Variants in RPS12 observed in about 807,000 individuals in gnomAD.
RPS12 encodes the protein small ribosomal subunit protein eS12.
RPS12 carries 1 observed loss-of-function variant against 17.2 expected under a neutral mutation model. That is an observed-to-expected ratio of 0.06 (90% CI 0.02 to 0.28). The LOEUF is 0.28. Ranked by LOEUF, RPS12 falls within the 10% of genes least tolerant of loss-of-function variation. The pLI is 1.00. For missense variants in RPS12, 146 were observed against 162.1 expected (o/e 0.90, Z 0.54); for synonymous variants, 67 against 54.0 (o/e 1.24, Z -1.06).
chr6:132,816,915 G>A, intron 4 of RPS12, 45 bp from the exon 5 acceptor site: 1 of 1,238,160 alleles, frequency 8.1e-7, no homozygotes, highest in Non-Finnish European at 1.2e-6. Context: ...TAGTGTTAAT[G>A]TCTATTAATG....
chr6:132,816,684 C>A, intron 4 of RPS12, 121 bp downstream of exon 4: 1 of 794,856 alleles, frequency 1.3e-6, no homozygotes, highest in East Asian at 2.4e-5. Context: ...GCACCTGATA[C>A]TGTCGGCCAT....
At chr6:132,815,243 A>G (rs896231855) in intron 3 of RPS12, 155 bp downstream of exon 3, 82 of 750,394 alleles carry the variant, frequency 1.1e-4, no homozygotes, top group Non-Finnish European at 1.8e-4. Context: ...ACTCAGATCT[A>G]TAAAGCCCAC....
chr6:132,816,314 C>T (rs1782061100), intron 3 of RPS12, 147 bp from the exon 4 acceptor site: 2 of 627,684 alleles, frequency 3.2e-6, no homozygotes, highest in East Asian at 2.7e-5. Flanking sequence ...TCTTCAGACT[C>T]AAGCAATTTT....
rs746094773 is a variant in RPS12, at chr6:132,814,760, C to T, written c.-9C>T. Reference sequence around the variant, plus strand: ...GTTCAAGATTCAACTTCACCCGTAACCCACCGCCATGGCCGAGGAAGGGTG... The same window carrying T: ...GTTCAAGATTCAACTTCACCCGTAATCCACCGCCATGGCCGAGGAAGGGTG... On this transcript the variant is annotated 5_prime_UTR_variant, in exon 2 of 6. Transcript: ENST00000230050. 1.2e-6 allele frequency: 2 copies of T among 1,613,420 alleles called. No individual in the cohort carries two copies. Among genetic ancestry groups the T allele is most frequent in the African/African-American group, 1.3e-5 (1 of 74,890 alleles).
intron 2 of RPS12, 36 bp from the exon 3 acceptor site, chr6:132,814,936 G>A (rs758341470): frequency 6.7e-7 from 1 of 1,483,332 alleles, no homozygotes; most frequent in Non-Finnish European, 9.4e-7. Flanking sequence ...GTGGTGTGAG[G>A]ATTTTAACTG....
Position 132,814,732 on chromosome 6 carries a change from T to G in RPS12, c.-37T>G. ...ACAAGTCAATGCTTTTGTTTTTTAGTGCGTTCAAGATTCAACTTCACCCGT... is the reference window on the plus strand; with the variant it reads ...ACAAGTCAATGCTTTTGTTTTTTAGGGCGTTCAAGATTCAACTTCACCCGT... On this transcript the variant is annotated splice_region_variant and 5_prime_UTR_variant, in exon 2 of 6. Coordinates refer to ENST00000230050, the MANE Select transcript of RPS12 (RefSeq NM_001016.4). 1 of 1,610,866 alleles carries G rather than the reference T, an allele frequency of 6.2e-7. No homozygotes were observed. The highest frequency in any genetic ancestry group is 1.1e-5 in the South Asian group (1 of 90,968).
Position 132,814,925 on chromosome 6 carries a change from T to C in RPS12, c.15-47T>C, listed in dbSNP as rs754378250. 49 of 1,432,492 alleles carry C rather than the reference T, an allele frequency of 3.4e-5. No individual in the cohort carries two copies. In the East Asian group the frequency reaches 8.6e-4, roughly 25 times the overall value. 88.7% of individuals were successfully genotyped at this position (1,432,492 alleles called of 1,614,324 possible). On this transcript the variant is annotated intron_variant, in intron 2 of 5. Coordinates refer to ENST00000230050, the MANE Select transcript of RPS12 (RefSeq NM_001016.4). ...AGCTTTTGCTGAGTGCAAGGCCTTA[T>C]GTGGTGTGAGGATTTTAACTGATGG...
chr6:132,815,231 G>A lies in RPS12; in HGVS notation c.131+143G>A, dbSNP rs1365799246. On this transcript the variant is annotated intron_variant, in intron 3 of 5. Coordinates refer to ENST00000230050, the MANE Select transcript of RPS12 (RefSeq NM_001016.4). ...ACCGGAAACCTAGGAAAAGGTATCA[G>A]AACTCAGATCTATAAAGCCCACTTA... The A allele has an allele frequency of 1.1e-5, 8 of 747,908 alleles. No individual in the cohort carries two copies. The Admixed American group carries it at 1.3e-4, about 12-fold the overall frequency. 46.3% of individuals were successfully genotyped at this position (747,908 alleles called of 1,614,324 possible).
At chr6:132,817,192 A>C (rs746385803) in intron 5 of RPS12, 131 bp downstream of exon 5, 1 of 793,254 alleles carries the variant, frequency 1.3e-6, no homozygotes, top group Non-Finnish European at 2.2e-6. Context: ...TCTGCATTTC[A>C]GGAAAAAAAT....
At position 132,816,487 on chromosome 6, in the gene RPS12, C is replaced by G; in HGVS notation, c.158C>G (p.Ala53Gly). ...CGCCAAGCCCATCTTTGTGTGCTTGCATCCAACTGTGATGAGCCTATGTAT... is the reference window on the plus strand; with the variant it reads ...CGCCAAGCCCATCTTTGTGTGCTTGGATCCAACTGTGATGAGCCTATGTAT... ...DKRQAHLCVL[A>G]SNCDEPMYVK... Residue 53 changes from alanine (A) to glycine (G), a missense_variant, in exon 4 of 6, where the codon GCA (alanine) becomes GGA (glycine). Ala to Gly is a moderately conservative substitution (Grantham distance 60). Transcript: ENST00000230050. The G allele has an allele frequency of 6.2e-7, 1 of 1,608,668 alleles. No homozygotes were observed. The highest frequency in any genetic ancestry group is 1.3e-5 in the African/African-American group (1 of 75,026).
chr6:132,815,962 G>A (rs1022860227), intron 3 of RPS12: 7 of 452,440 alleles, frequency 1.5e-5, no homozygotes, highest in Non-Finnish European at 2.7e-5. Flanking sequence ...CTCCCGAGTA[G>A]ATGGAATTAC....
At chr6:132,814,709 A>G in intron 1 of RPS12, 23 bp from the exon 2 acceptor site, 1 of 1,593,660 alleles carries the variant, frequency 6.3e-7, no homozygotes, top group South Asian at 1.1e-5. Context: ...GTTCTTTAAC[A>G]AGTCAATGCT....
chr6:132,817,461 G>C lies in RPS12; in HGVS notation c.337-19G>C. 6.6e-7 allele frequency: 1 copy of C among 1,515,978 alleles called. No individual in the cohort carries two copies. 93.9% of individuals were successfully genotyped at this position (1,515,978 alleles called of 1,614,324 possible). On this transcript the variant is annotated intron_variant, in intron 5 of 5. Coordinates refer to ENST00000230050, the MANE Select transcript of RPS12 (RefSeq NM_001016.4). ...TAAATATTAACAAGAAATTGCATGC[G>C]TGTTTTGTTTTTTTTAAGGACTATG...
chr6:132,815,496 A>G (rs1309426252), intron 3 of RPS12: 1 of 408,332 alleles, frequency 2.4e-6, no homozygotes, highest in Non-Finnish European at 4.9e-6. Context: ...TTTCAAACTC[A>G]GGTTTCAGAA....
At chr6:132,815,985 C>T (rs1471800444) in intron 3 of RPS12, 2 of 444,226 alleles carry the variant, frequency 4.5e-6, no homozygotes, top group South Asian at 1.6e-5. Context: ...GCACACGCCA[C>T]CATGCCCAGC....
chr6:132,816,912 A>G (rs752436253), intron 4 of RPS12, 48 bp from the exon 5 acceptor site: 7 of 1,197,892 alleles, frequency 5.8e-6, no homozygotes, highest in Non-Finnish European at 7.4e-6. Flanking sequence ...TGGTAGTGTT[A>G]ATGTCTATTA....
At chr6:132,815,972 C>T (rs3778174) in intron 3 of RPS12, 155,662 of 449,866 alleles carry the variant, frequency 0.35, 28,550 homozygotes, top group Admixed American at 0.52. Flanking sequence ...GATGGAATTA[C>T]AGGCACACGC....
At chr6:132,817,384 G>C (rs1209557807) in intron 5 of RPS12, 96 bp from the exon 6 acceptor site, 1 of 871,582 alleles carries the variant, frequency 1.1e-6, no homozygotes, top group South Asian at 1.3e-5. Context: ...ATAAGACATA[G>C]CTAATTGTTG....
rs774306063 is a variant in RPS12 at position 132,816,995 on chromosome 6, C to T, written c.270C>T (p.Gly90=). The T allele has an allele frequency of 1.9e-6, 3 of 1,612,648 alleles. No individual in the cohort carries two copies. Among genetic ancestry groups the T allele is most frequent in the South Asian group, 1.1e-5 (1 of 91,048 alleles). The change falls in exon 5 of 6, where the codon GGC becomes GGT. Residue 90 remains glycine (G), a synonymous_variant. Transcript: ENST00000230050. ...DDNKKLGEWV[G]LCKIDREGKP... is the part of the protein sequence containing the mutation. ...ACAAGAAACTAGGAGAATGGGTAGG[C>T]CTTTGTAAAATTGACAGAGAGGGGA...
Sources: gnomAD v4.1 joint callset for allele counts on GRCh38, gnomAD v4.1.1 for gene constraint, MANE v1.5 for transcripts, NCBI Gene and HGNC (gene_info 2026-07-23, HGNC 2026-07-21) for gene names.